SLC5A4: variants seen among roughly 807,000 people sequenced by gnomAD.
The protein encoded by SLC5A4 is probable glucose sensor protein SLC5A4.
In SLC5A4, 55 loss-of-function variants were observed where a neutral mutation model predicts 70.3. The observed-to-expected ratio is 0.78, with a 90% confidence interval of 0.63 to 0.98. The LOEUF is 0.98. Ranked by LOEUF, SLC5A4 falls within the 50% of genes least tolerant of loss-of-function variation. SLC5A4 has a pLI of 0.00. For missense variants in SLC5A4, 735 were observed against 839.2 expected, an observed-to-expected ratio of 0.88 and a Z score of 1.53; for synonymous variants, 268 against 305.7, an observed-to-expected ratio of 0.88 and a Z score of 1.29.
At chr22:32,241,608 G>T (rs538381677) in intron 5 of SLC5A4, among the ~76,000 whole-genome samples, 1 of 152,134 alleles carries the variant, frequency 6.6e-6, no homozygotes, top group Non-Finnish European at 1.5e-5. Flanking sequence ...ACTTTGGGAG[G>T]CCAAAGCGGG....
chr22:32,309,590 T>A, the SLC5A4 span, among the ~76,000 whole-genome samples: 1 of 152,098 alleles, frequency 6.6e-6, no homozygotes, highest in Admixed American at 6.5e-5. Flanking sequence ...GGGACAGTGT[T>A]TATCACAATG....
At chr22:32,298,879 G>A in the SLC5A4 span, among the ~76,000 whole-genome samples, 1 of 105,006 alleles carries the variant, frequency 9.5e-6, no homozygotes, top group Non-Finnish European at 2.0e-5. Context: ...GCATTTGCTT[G>A]TCTGTAAAGT....
chr22:32,267,847 G>T, the SLC5A4 span, among the ~76,000 whole-genome samples: 1 of 152,228 alleles, frequency 6.6e-6, no homozygotes, highest in Non-Finnish European at 1.5e-5. Flanking sequence ...AGTCCTGGCT[G>T]GACGTGGTGG....
chr22:32,324,166 T>C, the SLC5A4 span, among the ~76,000 whole-genome samples: 7 of 150,274 alleles, frequency 4.7e-5, no homozygotes, highest in Admixed American at 4.0e-4. Context: ...CTATTTCTCA[T>C]GCCAGTGGTG....
At chr22:32,273,522 T>A in the SLC5A4 span, 7,854 of 157,400 alleles carry the variant, frequency 0.05, 389 homozygotes, top group Admixed American at 0.15. Flanking sequence ...GTGTTCCACC[T>A]TTACCATCCC....
At chr22:32,324,513 A>G in the SLC5A4 span, among the ~76,000 whole-genome samples, 1 of 152,056 alleles carries the variant, frequency 6.6e-6, no homozygotes, top group African/African-American at 2.4e-5. Flanking sequence ...CATTACTGGG[A>G]ACACCCTCCC....
At chr22:32,266,827 T>C in the SLC5A4 span, among the ~76,000 whole-genome samples, 1 of 152,258 alleles carries the variant, frequency 6.6e-6, no homozygotes, top group African/African-American at 2.4e-5. Context: ...AAAGAAAATG[T>C]TCTTAAGAAA....
chr22:32,229,285 T>C lies in SLC5A4; in HGVS notation c.1189A>G (p.Ile397Val), dbSNP rs1925594736. Residue 397 changes from isoleucine (I) to valine (V), a missense_variant, in exon 11 of 15, where the codon ATC becomes GTC. Coordinates refer to ENST00000266086, the MANE Select transcript of SLC5A4 (RefSeq NM_014227.3). ...LASLMSSLTS[I>V]FNSASTLFTI... is the part of the protein sequence containing the mutation. ...AAGAGGGTGCTGGCGCTGTTGAAGATGGAGGTCAGGGAGCTCATGAGAGAG... is the reference window on the plus strand; with the variant it reads ...AAGAGGGTGCTGGCGCTGTTGAAGACGGAGGTCAGGGAGCTCATGAGAGAG... 1 of 1,614,194 alleles carries C rather than the reference T, an allele frequency of 6.2e-7. No homozygotes were observed. Among genetic ancestry groups the C allele is most frequent in the Non-Finnish European group, 8.5e-7 (1 of 1,180,032 alleles).
chr22:32,288,333 T>A, the SLC5A4 span, among the ~76,000 whole-genome samples: 1 of 152,208 alleles, frequency 6.6e-6, no homozygotes, highest in African/African-American at 2.4e-5. Flanking sequence ...GCAAATGAAA[T>A]GTGAGTGGAA....
chr22:32,320,395 C>T, the SLC5A4 span, among the ~76,000 whole-genome samples: 1 of 152,210 alleles, frequency 6.6e-6, no homozygotes, highest in African/African-American at 2.4e-5. Flanking sequence ...ACAAGGGCAA[C>T]ATAGGTACAA....
chr22:32,306,498 G>A, the SLC5A4 span, among the ~76,000 whole-genome samples: 1 of 146,540 alleles, frequency 6.8e-6, no homozygotes, highest in African/African-American at 2.6e-5. Flanking sequence ...TGTATATAAA[G>A]ACAAAAGAGC....
At chr22:32,270,605 C>T in the SLC5A4 span, 1 of 736,100 alleles carries the variant, frequency 1.4e-6, no homozygotes. Flanking sequence ...AGTGGCTTTG[C>T]CACGCAGGGC....
the SLC5A4 span, among the ~76,000 whole-genome samples, chr22:32,307,518 G>A: frequency 3.5e-3 from 529 of 152,274 alleles, 3 homozygotes; most frequent in African/African-American, 0.011. Flanking sequence ...GCAGGCGTTC[G>A]GCAAGTGTCT....
the SLC5A4 span, among the ~76,000 whole-genome samples, chr22:32,334,227 G>A: frequency 6.6e-6 from 1 of 152,010 alleles, no homozygotes; most frequent in Non-Finnish European, 1.5e-5. Flanking sequence ...ACCTGTCCTA[G>A]CCCCTCAGGA....
In SLC5A4 at chr22:32,247,730, A is replaced by AC. The variant is rs535382118; in HGVS notation, c.373-216dup. ...TTAAACCATGCTTCTGAAGAGAAGGACCCCCCCATGGATAACTCCAGCCAA... is the reference window on the plus strand; with the variant it reads ...TTAAACCATGCTTCTGAAGAGAAGGACCCCCCCCATGGATAACTCCAGCCAA... On this transcript the variant is annotated intron_variant, in intron 4 of 14. Transcript: ENST00000266086. 2.3e-4 allele frequency among the ~76,000 whole-genome samples: 35 copies of AC among 151,834 alleles called. No homozygotes were observed. The South Asian group carries it at 4.0e-3, about 17-fold the overall frequency.
the SLC5A4 span, chr22:32,270,103 C>A: frequency 1.9e-6 from 1 of 521,924 alleles, no homozygotes. Context: ...AGCTGGTCAG[C>A]CAGGGACAAA....
the SLC5A4 span, chr22:32,270,620 C>T: frequency 8.6e-5 from 63 of 735,022 alleles, no homozygotes; most frequent in East Asian, 7.3e-4. Context: ...CAGGGCCCCA[C>T]GGTCTTTGCC....
At chr22:32,278,594 T>A in the SLC5A4 span, among the ~76,000 whole-genome samples, 1 of 152,194 alleles carries the variant, frequency 6.6e-6, no homozygotes, top group Admixed American at 6.5e-5. Context: ...TTCTGAAGTT[T>A]CTCTAAATCA....
chr22:32,286,253 A>G, the SLC5A4 span, among the ~76,000 whole-genome samples: 43,070 of 152,110 alleles, frequency 0.28, 6,167 homozygotes, highest in African/African-American at 0.33. Flanking sequence ...TCTTATGCCA[A>G]TGACATATTG....
Sources: gnomAD v4.1 joint callset for allele counts (sites outside exome capture counted in the v4.1 genomes callset) on GRCh38, gnomAD v4.1.1 for gene constraint, MANE v1.5 for transcripts, NCBI Gene and HGNC (gene_info 2026-07-23, HGNC 2026-07-21) for gene names.